WWOX: variants seen among roughly 807,000 people sequenced by gnomAD.
The protein encoded by WWOX is WW domain-containing oxidoreductase.
Under a neutral mutation model 46.2 loss-of-function variants are expected in WWOX, and 69 were observed. The observed-to-expected ratio is 1.49, with a 90% confidence interval of 1.23 to 1.82. WWOX has a LOEUF of 1.82. Among genes scored for constraint, WWOX ranks in the 40% most tolerant of loss-of-function variants. WWOX has a pLI of 0.00. For synonymous variants in WWOX, 359 were observed against 202.6 expected, an observed-to-expected ratio of 1.77 and a Z score of -6.56; for missense variants, 919 against 542.6, an observed-to-expected ratio of 1.69 and a Z score of -6.89.
chr16:79,079,402 C>A (rs1047111672), intron 8 of WWOX, among the ~76,000 whole-genome samples: 1 of 152,170 alleles, frequency 6.6e-6, no homozygotes, highest in East Asian at 1.9e-4. Flanking sequence ...GCCATCAATC[C>A]GGTATCCATT....
intron 5 of WWOX, among the ~76,000 whole-genome samples, chr16:78,351,926 G>T (rs1363072922): frequency 6.6e-6 from 1 of 152,160 alleles, no homozygotes; most frequent in African/African-American, 2.4e-5. Context: ...CAAAGTGCTG[G>T]GATTATAGGC....
chr16:78,125,593 G>C (rs2033327854), intron 4 of WWOX, among the ~76,000 whole-genome samples: 2 of 152,130 alleles, frequency 1.3e-5, no homozygotes, highest in Non-Finnish European at 2.9e-5. Context: ...TGGGCATGGT[G>C]GTTCACGCCT....
chr16:78,607,087 G>A (rs2151625501), intron 8 of WWOX, among the ~76,000 whole-genome samples: 1 of 152,212 alleles, frequency 6.6e-6, no homozygotes, highest in East Asian at 1.9e-4. Context: ...TGGAAGAGTT[G>A]CCAGAAATGG....
chr16:78,755,935 A>G (rs1166524261), intron 8 of WWOX, among the ~76,000 whole-genome samples: 2 of 152,210 alleles, frequency 1.3e-5, no homozygotes, highest in South Asian at 2.1e-4. Flanking sequence ...AGAAGAACAT[A>G]TGCCAAGGAG....
intron 5 of WWOX, among the ~76,000 whole-genome samples, chr16:78,172,539 T>C (rs1215438461): frequency 2.0e-5 from 3 of 152,202 alleles, no homozygotes; most frequent in Non-Finnish European, 4.4e-5. Context: ...TTGCACCGAC[T>C]TAGTCTTGAA....
chr16:78,289,777 T>G lies in WWOX; in HGVS notation c.517-97083T>G, dbSNP rs139348091. Among the ~76,000 whole-genome samples, 42 of 152,304 alleles carry G rather than the reference T, an allele frequency of 2.8e-4. No homozygotes were observed. In the East Asian group the frequency reaches 7.7e-3, roughly 28 times the overall value. Reference sequence around the variant, plus strand: ...ATACTGGCTAGGATGGTCTGGTCCTTTAGAGGAGGTCCTGAATAAAATAAT... The same window carrying G: ...ATACTGGCTAGGATGGTCTGGTCCTGTAGAGGAGGTCCTGAATAAAATAAT... On this transcript the variant is annotated intron_variant, in intron 5 of 8. Transcript: ENST00000566780.
intron 8 of WWOX, among the ~76,000 whole-genome samples, chr16:78,774,753 T>C (rs2050149463): frequency 1.3e-5 from 2 of 151,808 alleles, no homozygotes; most frequent in Non-Finnish European, 2.9e-5. Flanking sequence ...TGGGCACATA[T>C]GATAGCATAA....
chr16:78,256,027 G>A (rs2038120430), intron 5 of WWOX, among the ~76,000 whole-genome samples: 1 of 151,652 alleles, frequency 6.6e-6, no homozygotes. Context: ...GCATGTGCCT[G>A]TAGTCCCAGC....
intron 8 of WWOX, among the ~76,000 whole-genome samples, chr16:79,100,571 C>G (rs1202223229): frequency 6.6e-6 from 1 of 152,142 alleles, no homozygotes; most frequent in Admixed American, 6.6e-5. Context: ...ACAGACAGCT[C>G]TTTTCCTATA....
chr16:78,249,764 A>T (rs1473925282), intron 5 of WWOX, among the ~76,000 whole-genome samples: 2 of 150,760 alleles, frequency 1.3e-5, no homozygotes, highest in Non-Finnish European at 1.5e-5. Flanking sequence ...AAGAATTGAA[A>T]GCCTCAAACT....
chr16:78,288,060 A>C (rs1443656852), intron 5 of WWOX, among the ~76,000 whole-genome samples: 2 of 152,168 alleles, frequency 1.3e-5, no homozygotes, highest in African/African-American at 2.4e-5. Flanking sequence ...ATTTCTAATG[A>C]ATATTTTTTA....
At chr16:78,750,894 T>C (rs988696064) in intron 8 of WWOX, among the ~76,000 whole-genome samples, 1 of 152,130 alleles carries the variant, frequency 6.6e-6, no homozygotes, top group African/African-American at 2.4e-5. Context: ...TAATCCACCA[T>C]TGATGGGCAC....
chr16:79,175,537 T>G (rs2050783356), intron 8 of WWOX, among the ~76,000 whole-genome samples: 1 of 152,194 alleles, frequency 6.6e-6, no homozygotes, highest in Non-Finnish European at 1.5e-5. Context: ...TCACTTGTCC[T>G]TGTTTTGATC....
At chr16:78,122,767 G>C (rs2033161770) in intron 4 of WWOX, among the ~76,000 whole-genome samples, 1 of 152,054 alleles carries the variant, frequency 6.6e-6, no homozygotes, top group South Asian at 2.1e-4. Flanking sequence ...ACTATGTCCG[G>C]CTAATTTTTG....
chr16:78,547,744 G>A (rs1043912645), intron 8 of WWOX, among the ~76,000 whole-genome samples: 1 of 152,128 alleles, frequency 6.6e-6, no homozygotes, highest in Non-Finnish European at 1.5e-5. Flanking sequence ...GAGGGGCAAA[G>A]GGTCTCTCTA....
Position 78,676,626 on chromosome 16 carries a change from C to G in WWOX, c.1056+243874C>G, listed in dbSNP as rs997711827. On this transcript the variant is annotated intron_variant, in intron 8 of 8. Transcript: ENST00000566780. The stretch of plus-strand genomic sequence containing the variant: ...CAAGGTTTTATTAATGATGTGCTGT[C>G]AGGGGCTGGATGTTCTGCATATTTG... Among the ~76,000 whole-genome samples, 4 of 152,120 alleles carry G rather than the reference C, an allele frequency of 2.6e-5. No homozygotes were observed. In the East Asian group the frequency reaches 7.7e-4, roughly 29 times the overall value.
chr16:78,955,166 C>G (rs7205567), intron 8 of WWOX, among the ~76,000 whole-genome samples: 105,263 of 151,994 alleles, frequency 0.69, 36,835 homozygotes, highest in East Asian at 0.91. Flanking sequence ...GTTAGGGTCA[C>G]CTGGAGGAGA....
chr16:79,015,824 T>C (rs1477928567), intron 8 of WWOX, among the ~76,000 whole-genome samples: 1 of 152,216 alleles, frequency 6.6e-6, no homozygotes, highest in African/African-American at 2.4e-5. Flanking sequence ...TGATCTTGGC[T>C]CACTGCAACC....
At chr16:78,543,408 AGC>A (rs1010900766) in intron 8 of WWOX, among the ~76,000 whole-genome samples, 3 of 152,224 alleles carry the variant, frequency 2.0e-5, no homozygotes, top group African/African-American at 7.2e-5. Flanking sequence ...TTTCACATAC[AGC>A]GAGAAGGATT....
Sources: gnomAD v4.1 joint callset for allele counts (sites outside exome capture counted in the v4.1 genomes callset) on GRCh38, gnomAD v4.1.1 for gene constraint, MANE v1.5 for transcripts, NCBI Gene and HGNC (gene_info 2026-07-23, HGNC 2026-07-21) for gene names.